ARHGAP24: variants seen among roughly 807,000 people sequenced by gnomAD.
The protein encoded by ARHGAP24 is rho GTPase-activating protein 24.
ARHGAP24 carries 50 observed loss-of-function variants against 76.4 expected under a neutral mutation model. That is an observed-to-expected ratio of 0.65 (90% confidence interval 0.52 to 0.83). ARHGAP24 has a LOEUF of 0.83. ARHGAP24 is among the 40% of genes least tolerant of loss of function. ARHGAP24 has a pLI of 0.00. For missense variants in ARHGAP24, 930 were observed against 914.2 expected, an observed-to-expected ratio of 1.02 and a Z score of -0.22; for synonymous variants, 345 against 323.3, an observed-to-expected ratio of 1.07 and a Z score of -0.72.
intron 7 of ARHGAP24, among the ~76,000 whole-genome samples, chr4:85,977,311 T>C (rs941799967): frequency 1.3e-5 from 2 of 152,176 alleles, no homozygotes; most frequent in Non-Finnish European, 2.9e-5. Flanking sequence ...CAAACACACC[T>C]GTTCCTTTGA....
chr4:85,737,610 G>A (rs1449750858), intron 3 of ARHGAP24, among the ~76,000 whole-genome samples: 1 of 152,144 alleles, frequency 6.6e-6, no homozygotes, highest in African/African-American at 2.4e-5. Context: ...ATAATTGGGA[G>A]CAGCAAGGAG....
At chr4:85,552,593 ATCTG>A (rs1482138578) in intron 1 of ARHGAP24, among the ~76,000 whole-genome samples, 1 of 152,040 alleles carries the variant, frequency 6.6e-6, no homozygotes, top group Non-Finnish European at 1.5e-5. Context: ...TGCCTCTATG[ATCTG>A]TCTAATACCA....
intron 1 of ARHGAP24, among the ~76,000 whole-genome samples, chr4:85,557,038 C>T (rs1445786144): frequency 2.6e-5 from 4 of 152,138 alleles, no homozygotes; most frequent in Non-Finnish European, 5.9e-5. Context: ...CACTGCACAC[C>T]CTCTGGAGCC....
chr4:85,856,248 T>C (rs866882396), intron 3 of ARHGAP24, among the ~76,000 whole-genome samples: 1 of 152,138 alleles, frequency 6.6e-6, no homozygotes, highest in Non-Finnish European at 1.5e-5. Flanking sequence ...TTTCGGGCCA[T>C]TCACTAGTGT....
chr4:85,937,850 T>C (rs922125253), intron 4 of ARHGAP24, among the ~76,000 whole-genome samples: 3 of 152,128 alleles, frequency 2.0e-5, no homozygotes, highest in Non-Finnish European at 4.4e-5. Context: ...TGGAAAATGA[T>C]GAAAAGGAGA....
chr4:85,764,875 C>G (rs895037247), intron 3 of ARHGAP24, among the ~76,000 whole-genome samples: 5 of 151,902 alleles, frequency 3.3e-5, no homozygotes, highest in African/African-American at 1.2e-4. Flanking sequence ...AAAGTTTATA[C>G]TAATTCTGCC....
rs1430483390 is a variant in ARHGAP24 at position 85,769,276 on chromosome 4, G to T, written c.268+47304G>T. On this transcript the variant is annotated intron_variant, in intron 3 of 9. Transcript: ENST00000395184. ...CATTCAAATCAGTAAACATTTATTA[G>T]GTAGTCATTTTGCCAAGCATCTTGA... Among the ~76,000 whole-genome samples, 4 of 152,130 alleles carry T rather than the reference G, an allele frequency of 2.6e-5. No individual in the cohort carries two copies. In the East Asian group the frequency reaches 7.7e-4, roughly 29 times the overall value.
intron 1 of ARHGAP24, among the ~76,000 whole-genome samples, chr4:85,515,670 G>GT (rs1428937547): frequency 6.6e-6 from 1 of 151,902 alleles, no homozygotes; most frequent in South Asian, 2.1e-4. Context: ...GTGTATCCTA[G>GT]TTTTTTTCTG....
intron 8 of ARHGAP24, among the ~76,000 whole-genome samples, chr4:85,989,462 G>A (rs1267882064): frequency 6.6e-6 from 1 of 151,558 alleles, no homozygotes; most frequent in Non-Finnish European, 1.5e-5. Context: ...AACATGTAAA[G>A]AAGAAATTAT....
At chr4:85,644,743 T>C (rs1721660129) in intron 2 of ARHGAP24, among the ~76,000 whole-genome samples, 1 of 152,096 alleles carries the variant, frequency 6.6e-6, no homozygotes, top group Non-Finnish European at 1.5e-5. Flanking sequence ...CAAATACTTA[T>C]TCTTGCCATT....
At chr4:85,663,251 C>T (rs1455092194) in intron 2 of ARHGAP24, among the ~76,000 whole-genome samples, 11 of 146,484 alleles carry the variant, frequency 7.5e-5, no homozygotes, top group African/African-American at 2.5e-4. Context: ...GTAAGTTGGA[C>T]TCCTAGGTAT....
chr4:85,974,822 T>G, intron 6 of ARHGAP24, 66 bp from the exon 7 acceptor site: 1 of 1,493,630 alleles, frequency 6.7e-7, no homozygotes, highest in Non-Finnish European at 9.3e-7. Context: ...TATGGCCATT[T>G]CGACTTGCTT....
intron 3 of ARHGAP24, among the ~76,000 whole-genome samples, chr4:85,767,894 G>A (rs186885321): frequency 9.3e-4 from 142 of 152,244 alleles, no homozygotes; most frequent in Middle Eastern, 6.8e-3. Context: ...GCTACAATGC[G>A]TACACTATTA....
At chr4:85,990,909 A>T (rs911627636) in intron 8 of ARHGAP24, 21 of 151,974 alleles carry the variant, frequency 1.4e-4, no homozygotes, top group Admixed American at 4.6e-4. Flanking sequence ...ATATTTTTTT[A>T]AAAAATTATT....
At chr4:85,784,288 C>T (rs767794579) in intron 3 of ARHGAP24, among the ~76,000 whole-genome samples, 15 of 146,760 alleles carry the variant, frequency 1.0e-4, no homozygotes, top group Non-Finnish European at 1.8e-4. Flanking sequence ...TATGGCTCTG[C>T]CCCTCTCCTA....
intron 2 of ARHGAP24, among the ~76,000 whole-genome samples, chr4:85,687,212 G>A (rs1165591268): frequency 1.3e-5 from 2 of 152,084 alleles, no homozygotes; most frequent in Non-Finnish European, 2.9e-5. Flanking sequence ...TAAGACTGAG[G>A]TGGTACTTGG....
intron 2 of ARHGAP24, among the ~76,000 whole-genome samples, chr4:85,587,913 T>C (rs1488624662): frequency 6.6e-6 from 1 of 151,980 alleles, no homozygotes; most frequent in Non-Finnish European, 1.5e-5. Flanking sequence ...ATGAGGAAAA[T>C]AGAGAACTAG....
intron 1 of ARHGAP24, among the ~76,000 whole-genome samples, chr4:85,563,424 T>C (rs1450657039): frequency 6.6e-6 from 1 of 152,228 alleles, no homozygotes; most frequent in African/African-American, 2.4e-5. Flanking sequence ...TATTGCTGTG[T>C]GCTCACATGA....
intron 8 of ARHGAP24, among the ~76,000 whole-genome samples, 158 bp downstream of exon 8, chr4:85,977,849 T>C (rs904184065): frequency 1.3e-5 from 2 of 152,240 alleles, no homozygotes; most frequent in African/African-American, 2.4e-5. Context: ...ATCTTCCTTT[T>C]GAAAGTCAGA....
Sources: gnomAD v4.1 joint callset for allele counts (sites outside exome capture counted in the v4.1 genomes callset) on GRCh38, gnomAD v4.1.1 for gene constraint, MANE v1.5 for transcripts, NCBI Gene and HGNC (gene_info 2026-07-23, HGNC 2026-07-21) for gene names.